The following RANBP2 variants were observed in gnomAD, a reference collection of about 807,000 sequenced individuals.
The protein encoded by RANBP2 is RAN binding protein 2, also known as E3 SUMO-protein ligase RanBP2.
RANBP2 carries 57 observed loss-of-function variants against 303.6 expected under a neutral mutation model. The ratio of observed to expected loss-of-function variants is 0.19; its 90% CI spans 0.15 to 0.23. The LOEUF (loss-of-function observed/expected upper bound fraction) is 0.23. RANBP2 is among the 10% of genes least tolerant of loss of function. RANBP2 has a pLI of 1.00. For synonymous variants in RANBP2, 1,167 were observed against 1,301.5 expected (o/e 0.90, Z 2.23); for missense variants, 3,138 against 3,780.8 (o/e 0.83, Z 4.46).
chr2:109,351,208 T>A, the RANBP2 span, among the ~76,000 whole-genome samples: 1 of 152,214 alleles, frequency 6.6e-6, no homozygotes, highest in Non-Finnish European at 1.5e-5. Flanking sequence ...AGCTGGTTTC[T>A]GAGGAGCCTC....
the RANBP2 span, among the ~76,000 whole-genome samples, chr2:108,959,659 C>T: frequency 6.6e-5 from 10 of 152,170 alleles, no homozygotes; most frequent in African/African-American, 2.4e-4. Context: ...CCCTGGGACT[C>T]AGCTCTGGAT....
chr2:109,386,866 T>C, the RANBP2 span, among the ~76,000 whole-genome samples: 1 of 152,174 alleles, frequency 6.6e-6, no homozygotes, highest in Non-Finnish European at 1.5e-5. Flanking sequence ...CACCTCACGC[T>C]TTGTACAAAA....
At chr2:109,390,990 A>G in the RANBP2 span, among the ~76,000 whole-genome samples, 68 of 152,352 alleles carry the variant, frequency 4.5e-4, 1 homozygote, top group South Asian at 0.013. Context: ...CCAAGCAGCT[A>G]GCACCCAGAG....
At chr2:109,697,995 G>C in the RANBP2 span, among the ~76,000 whole-genome samples, 2 of 151,786 alleles carry the variant, frequency 1.3e-5, no homozygotes, top group Non-Finnish European at 2.9e-5. Flanking sequence ...AAGTAGCTGG[G>C]ATTACAGGCA....
the RANBP2 span, among the ~76,000 whole-genome samples, chr2:109,590,099 T>C: frequency 2.7e-5 from 4 of 146,484 alleles, no homozygotes; most frequent in Non-Finnish European, 4.5e-5. Flanking sequence ...TATACACACA[T>C]ATATATGTAT....
the RANBP2 span, among the ~76,000 whole-genome samples, chr2:109,578,753 T>A: frequency 1.3e-5 from 2 of 150,860 alleles, no homozygotes; most frequent in African/African-American, 4.9e-5. Context: ...GCCAACAAAG[T>A]GAGATTCCAC....
the RANBP2 span, among the ~76,000 whole-genome samples, chr2:108,834,797 T>C: frequency 6.6e-6 from 1 of 152,220 alleles, no homozygotes; most frequent in Non-Finnish European, 1.5e-5. Context: ...CTCGTCTACT[T>C]TCTATCTCTA....
the RANBP2 span, among the ~76,000 whole-genome samples, chr2:109,169,382 A>G: frequency 3.3e-5 from 5 of 152,008 alleles, no homozygotes; most frequent in South Asian, 2.1e-4. Context: ...GCTCCATACT[A>G]TGATGGTGAT....
the RANBP2 span, among the ~76,000 whole-genome samples, chr2:109,475,653 G>A: frequency 6.6e-6 from 1 of 152,206 alleles, no homozygotes; most frequent in Non-Finnish European, 1.5e-5. Context: ...CTGCATTGTA[G>A]GATGTCGAGC....
chr2:109,034,603 C>G, the RANBP2 span, among the ~76,000 whole-genome samples: 4 of 152,222 alleles, frequency 2.6e-5, no homozygotes, highest in Non-Finnish European at 5.9e-5. Flanking sequence ...CCTTTTACAC[C>G]TGGCTCAGGC....
the RANBP2 span, among the ~76,000 whole-genome samples, chr2:109,408,097 G>T: frequency 6.6e-6 from 1 of 152,174 alleles, no homozygotes; most frequent in African/African-American, 2.4e-5. Flanking sequence ...CTGGCTAGCA[G>T]CACAGAAGAG....
At chr2:109,327,593 C>T in the RANBP2 span, among the ~76,000 whole-genome samples, 3 of 152,146 alleles carry the variant, frequency 2.0e-5, no homozygotes, top group African/African-American at 4.8e-5. Context: ...TTTCTGAGTC[C>T]TCTTACTCAA....
the RANBP2 span, among the ~76,000 whole-genome samples, chr2:108,988,663 G>A: frequency 1.3e-5 from 2 of 152,244 alleles, no homozygotes; most frequent in South Asian, 2.1e-4. Context: ...GGAGGAACCC[G>A]TTGCTTCAGT....
chr2:109,381,870 A>G, the RANBP2 span, among the ~76,000 whole-genome samples: 3 of 152,148 alleles, frequency 2.0e-5, no homozygotes, highest in South Asian at 6.2e-4. Flanking sequence ...GTGCATGTTT[A>G]TAAGGGGAGC....
chr2:109,475,249 T>G, the RANBP2 span, among the ~76,000 whole-genome samples: 1 of 152,188 alleles, frequency 6.6e-6, no homozygotes, highest in African/African-American at 2.4e-5. Context: ...AGTGCTAGGA[T>G]TACAGGCGTG....
the RANBP2 span, among the ~76,000 whole-genome samples, chr2:109,435,022 C>T: frequency 2.6e-5 from 4 of 152,124 alleles, no homozygotes; most frequent in African/African-American, 7.2e-5. Context: ...CATGGTTGCT[C>T]ACTCTCCTCA....
chr2:108,798,477 A>G, the RANBP2 span: 1 of 1,613,932 alleles, frequency 6.2e-7, no homozygotes, highest in South Asian at 1.1e-5. Context: ...CAAAAGCGAG[A>G]ACGTTTTTTA....
the RANBP2 span, among the ~76,000 whole-genome samples, chr2:109,536,496 T>A: frequency 6.6e-6 from 1 of 152,238 alleles, no homozygotes; most frequent in Non-Finnish European, 1.5e-5. Flanking sequence ...ACCCAATACC[T>A]GTACCCCCGC....
At chr2:109,576,831 AC>A in the RANBP2 span, among the ~76,000 whole-genome samples, 196 of 152,340 alleles carry the variant, frequency 1.3e-3, no homozygotes, top group African/African-American at 4.5e-3. Flanking sequence ...AGAGTAAAAG[AC>A]ACAGAAGATA....
Sources: gnomAD v4.1 joint callset for allele counts (sites outside exome capture counted in the v4.1 genomes callset) on GRCh38, gnomAD v4.1.1 for gene constraint, MANE v1.5 for transcripts, NCBI Gene and HGNC (gene_info 2026-07-23, HGNC 2026-07-21) for gene names.